The following DAB1 variants were observed in gnomAD, a reference collection of about 807,000 sequenced individuals.
DAB1 encodes DAB adaptor protein 1, also known as disabled homolog 1.
In DAB1, 15 loss-of-function variants were observed where a neutral mutation model predicts 64.6. That is an observed-to-expected ratio of 0.23 (90% CI 0.16 to 0.36). The LOEUF is 0.36. DAB1 is among the 10% of genes least tolerant of loss of function. The pLI is 1.00. For synonymous variants in DAB1, 235 were observed against 251.9 expected, an observed-to-expected ratio of 0.93 and a Z score of 0.64; for missense variants, 596 against 706.7, an observed-to-expected ratio of 0.84 and a Z score of 1.78.
At chr1:57,120,692 T>C (rs1358302437) in intron 4 of DAB1, among the ~76,000 whole-genome samples, 2 of 152,340 alleles carry the variant, frequency 1.3e-5, no homozygotes, top group African/African-American at 4.8e-5. Context: ...AGGAACCTCA[T>C]AAAAGAAGAC....
intron 4 of DAB1, among the ~76,000 whole-genome samples, chr1:57,116,837 C>A (rs951645189): frequency 1.3e-5 from 2 of 152,174 alleles, no homozygotes; most frequent in African/African-American, 2.4e-5. Context: ...TTTTACAGCT[C>A]TCTATAACTG....
intron 1 of DAB1, among the ~76,000 whole-genome samples, chr1:57,312,755 C>A (rs988125183): frequency 6.6e-6 from 1 of 151,964 alleles, no homozygotes; most frequent in Non-Finnish European, 1.5e-5. Context: ...GAAATGAGGG[C>A]CAAACTTCCC....
chr1:57,453,267 G>A (rs192845695), intron 7 of DAB1, among the ~76,000 whole-genome samples: 71 of 152,134 alleles, frequency 4.7e-4, no homozygotes, highest in Middle Eastern at 6.8e-3. Flanking sequence ...TCCACCACTC[G>A]AATTACAAGC....
At chr1:57,985,208 T>C (rs553175997) in intron 5 of DAB1, among the ~76,000 whole-genome samples, 1 of 152,198 alleles carries the variant, frequency 6.6e-6, no homozygotes, top group Non-Finnish European at 1.5e-5. Flanking sequence ...ACACCCGGCC[T>C]GCTTTAGTAT....
At chr1:57,930,609 A>C (rs12042934) in intron 5 of DAB1, among the ~76,000 whole-genome samples, 2,965 of 152,220 alleles carry the variant, frequency 0.019, 66 homozygotes, top group East Asian at 0.081. Context: ...CAGATTTACA[A>C]CTAAGTATTT....
intron 5 of DAB1, among the ~76,000 whole-genome samples, chr1:57,908,645 G>C (rs9645409): frequency 0.43 from 65,023 of 151,874 alleles, 14,954 homozygotes; most frequent in African/African-American, 0.59. Flanking sequence ...TGTCTAGGAA[G>C]AACTTGGCAG....
At chr1:57,898,178 T>C (rs1644419847) in intron 5 of DAB1, among the ~76,000 whole-genome samples, 1 of 152,154 alleles carries the variant, frequency 6.6e-6, no homozygotes, top group South Asian at 2.1e-4. Flanking sequence ...TTCCTAACAA[T>C]GCAATGAAGT....
At chr1:58,016,589 A>G (rs962357052) in intron 5 of DAB1, among the ~76,000 whole-genome samples, 1 of 152,118 alleles carries the variant, frequency 6.6e-6, no homozygotes, top group Non-Finnish European at 1.5e-5. Context: ...ACCTATCCCT[A>G]GGTCTGCCCC....
At chr1:57,070,322 A>G (rs1314103431) in intron 7 of DAB1, among the ~76,000 whole-genome samples, 1 of 152,044 alleles carries the variant, frequency 6.6e-6, no homozygotes, top group Non-Finnish European at 1.5e-5. Context: ...CTTCTTTTTC[A>G]CCTTGGGAAT....
chr1:57,240,408 C>T (rs901610916), intron 2 of DAB1, among the ~76,000 whole-genome samples: 3 of 152,224 alleles, frequency 2.0e-5, no homozygotes, highest in Non-Finnish European at 4.4e-5. Context: ...TGGTCATACA[C>T]TGTGCTAGGT....
At chr1:57,161,809 A>G (rs1660779977) in intron 2 of DAB1, among the ~76,000 whole-genome samples, 1 of 151,984 alleles carries the variant, frequency 6.6e-6, no homozygotes, top group African/African-American at 2.4e-5. Flanking sequence ...TACTCTTCCA[A>G]GCTTTTCCCT....
At chr1:57,078,412 A>C (rs557654756) in intron 4 of DAB1, among the ~76,000 whole-genome samples, 1 of 152,296 alleles carries the variant, frequency 6.6e-6, no homozygotes, top group East Asian at 1.9e-4. Context: ...TTTTTGTATA[A>C]TACAAAGAAT....
intron 2 of DAB1, among the ~76,000 whole-genome samples, chr1:58,516,870 A>G (rs1248128084): frequency 6.6e-6 from 1 of 152,204 alleles, no homozygotes; most frequent in Non-Finnish European, 1.5e-5. Flanking sequence ...ACATGCATCT[A>G]TGTCCTTGGG....
chr1:57,442,647 T>G (rs970589883), intron 7 of DAB1, among the ~76,000 whole-genome samples: 1 of 152,228 alleles, frequency 6.6e-6, no homozygotes, highest in Non-Finnish European at 1.5e-5. Flanking sequence ...AAAATGTTAC[T>G]CTCATCCTTT....
upstream of DAB1, among the ~76,000 whole-genome samples, chr1:57,887,346 A>G (rs1644238849): frequency 7.7e-6 from 1 of 129,232 alleles, no homozygotes; most frequent in Non-Finnish European, 1.7e-5. Flanking sequence ...CACTACTGAA[A>G]TAAGCCAGGT....
At chr1:58,240,837 A>G (rs1267368135) in intron 4 of DAB1, among the ~76,000 whole-genome samples, 1 of 152,214 alleles carries the variant, frequency 6.6e-6, no homozygotes, top group Admixed American at 6.5e-5. Context: ...CAGGCAATAC[A>G]AAGATGAATA....
chr1:57,998,841 T>G (rs931902920), intron 5 of DAB1, among the ~76,000 whole-genome samples: 1 of 152,248 alleles, frequency 6.6e-6, no homozygotes, highest in African/African-American at 2.4e-5. Context: ...CTCTTTCTTG[T>G]GGACATTAGT....
chr1:57,162,476 C>T (rs996486747), intron 2 of DAB1, among the ~76,000 whole-genome samples: 3 of 152,218 alleles, frequency 2.0e-5, no homozygotes, highest in African/African-American at 7.2e-5. Flanking sequence ...TCACACTAGG[C>T]ATTTGAAGGC....
At chr1:57,788,298 A>C (rs190411057) in intron 6 of DAB1, among the ~76,000 whole-genome samples, 5 of 152,316 alleles carry the variant, frequency 3.3e-5, no homozygotes, top group Admixed American at 3.3e-4. Flanking sequence ...GGAATGGGTA[A>C]AAAAACACTG....
Sources: gnomAD v4.1 joint callset for allele counts (sites outside exome capture counted in the v4.1 genomes callset) on GRCh38, gnomAD v4.1.1 for gene constraint, MANE v1.5 for transcripts, NCBI Gene and HGNC (gene_info 2026-07-23, HGNC 2026-07-21) for gene names.